The following NKAIN2 variants were observed in gnomAD, a reference collection of about 807,000 sequenced individuals.
The protein encoded by NKAIN2 is sodium/potassium-transporting ATPase subunit beta-1-interacting protein 2.
In NKAIN2, 14 loss-of-function variants were observed where a neutral mutation model predicts 32.6. That is an observed-to-expected ratio of 0.43 (90% CI 0.28 to 0.67). The LOEUF (loss-of-function observed/expected upper bound fraction) is 0.67. Ranked by LOEUF, NKAIN2 falls within the 30% of genes least tolerant of loss-of-function variation. The pLI, the probability that NKAIN2 is intolerant of heterozygous loss-of-function variation, is 0.17. For missense variants in NKAIN2, 198 were observed against 258.3 expected (o/e 0.77, Z 1.60); for synonymous variants, 80 against 87.2 (o/e 0.92, Z 0.46).
intron 1 of NKAIN2, among the ~76,000 whole-genome samples, chr6:123,969,389 C>T (rs1318720564): frequency 1.3e-5 from 2 of 152,122 alleles, no homozygotes; most frequent in African/African-American, 2.4e-5. Flanking sequence ...GAGATGGCTG[C>T]GGTTTAACAA....
rs138027827 is a variant in NKAIN2, at chr6:124,724,301, A to G, written c.474+65915A>G. Among the ~76,000 whole-genome samples, 100 of 152,250 alleles carry G rather than the reference A, an allele frequency of 6.6e-4. 1 individual carries two copies. The highest frequency in any genetic ancestry group is 2.0e-3 in the African/African-American group (85 of 41,550). On this transcript the variant is annotated intron_variant, in intron 4 of 6. Coordinates refer to ENST00000368417, the MANE Select transcript of NKAIN2 (RefSeq NM_001040214.3). Reference sequence around the variant, plus strand: ...AAGATGGCACCCCAACTTGTCCATCATGGCTTAACCATGGTAGGTGCCAAG... The same window carrying G: ...AAGATGGCACCCCAACTTGTCCATCGTGGCTTAACCATGGTAGGTGCCAAG...
intron 1 of NKAIN2, among the ~76,000 whole-genome samples, chr6:124,055,335 T>A (rs142190223): frequency 0.027 from 4,137 of 152,200 alleles, 76 homozygotes; most frequent in Admixed American, 0.045. Context: ...TCTTTTCAGA[T>A]ACTAGTACCC....
intron 3 of NKAIN2, among the ~76,000 whole-genome samples, chr6:124,413,431 T>C (rs1774311616): frequency 6.6e-6 from 1 of 152,206 alleles, no homozygotes; most frequent in Non-Finnish European, 1.5e-5. Context: ...TATATCTTTA[T>C]ATCAATACCA....
At chr6:124,641,567 TTTGA>T in intron 3 of NKAIN2, among the ~76,000 whole-genome samples, 1 of 131,842 alleles carries the variant, frequency 7.6e-6, no homozygotes, top group African/African-American at 3.2e-5. Context: ...TTTTTTTTTT[TTTGA>T]GACAGTGTCT....
intron 1 of NKAIN2, among the ~76,000 whole-genome samples, chr6:124,174,326 G>A (rs888339163): frequency 6.6e-6 from 1 of 152,086 alleles, no homozygotes; most frequent in African/African-American, 2.4e-5. Flanking sequence ...AACTTTACCT[G>A]TTAATCATTC....
At chr6:123,819,549 A>G (rs1416994909) in intron 1 of NKAIN2, among the ~76,000 whole-genome samples, 1 of 152,216 alleles carries the variant, frequency 6.6e-6, no homozygotes, top group East Asian at 1.9e-4. Context: ...GTCTAATTAG[A>G]AAATACAGTC....
chr6:124,368,841 T>G (rs1049401739), intron 3 of NKAIN2, among the ~76,000 whole-genome samples: 1 of 152,192 alleles, frequency 6.6e-6, no homozygotes, highest in African/African-American at 2.4e-5. Context: ...GCAGTTTCCC[T>G]TACCCAACAT....
chr6:124,762,594 G>A (rs766570451), intron 4 of NKAIN2, among the ~76,000 whole-genome samples: 2 of 152,150 alleles, frequency 1.3e-5, no homozygotes, highest in Non-Finnish European at 2.9e-5. Flanking sequence ...TTTTGCTTTA[G>A]TTGGTTAGAT....
At chr6:124,558,970 A>AAAC (rs1362758548) in intron 3 of NKAIN2, among the ~76,000 whole-genome samples, 1 of 151,966 alleles carries the variant, frequency 6.6e-6, no homozygotes, top group Non-Finnish European at 1.5e-5. Flanking sequence ...ACAAACAAAC[A>AAAC]AACAAAAGAA....
intron 5 of NKAIN2, among the ~76,000 whole-genome samples, chr6:124,807,834 C>T (rs1256829663): frequency 1.3e-5 from 2 of 150,134 alleles, no homozygotes; most frequent in East Asian, 4.1e-4. Context: ...TACAAACTAC[C>T]GTCAGAGAAT....
At chr6:124,191,935 T>C (rs1790040291) in intron 1 of NKAIN2, among the ~76,000 whole-genome samples, 4 of 152,206 alleles carry the variant, frequency 2.6e-5, no homozygotes, top group Admixed American at 2.6e-4. Flanking sequence ...ATCCTTTTCA[T>C]ATCTGTAAAT....
Position 124,548,543 on chromosome 6 carries a change from C to G in NKAIN2, c.274-109643C>G, listed in dbSNP as rs577399252. Among the ~76,000 whole-genome samples, 330 of 152,278 alleles carry G rather than the reference C, an allele frequency of 2.2e-3. 2 individuals carry two copies. Among genetic ancestry groups the G allele is most frequent in the Admixed American group, 3.8e-3 (58 of 15,298 alleles). ...CCAGCACTCATTGCGAAGGAGAAAA[C>G]TAGGATCCTTCAGGCAAGCGAAGAG... On this transcript the variant is annotated intron_variant, in intron 3 of 6. Coordinates refer to ENST00000368417, the MANE Select transcript of NKAIN2 (RefSeq NM_001040214.3).
intron 3 of NKAIN2, among the ~76,000 whole-genome samples, chr6:124,636,371 A>G (rs1783773728): frequency 6.6e-6 from 1 of 151,988 alleles, no homozygotes; most frequent in African/African-American, 2.4e-5. Context: ...GCATCCAGGG[A>G]AGCAAGGAAA....
At chr6:124,596,855 A>G (rs1200506774) in intron 3 of NKAIN2, among the ~76,000 whole-genome samples, 3 of 152,126 alleles carry the variant, frequency 2.0e-5, no homozygotes, top group African/African-American at 7.2e-5. Flanking sequence ...CAGAGAGCCA[A>G]TGGTAGAGTT....
chr6:124,436,042 A>G (rs1775429107), intron 3 of NKAIN2, among the ~76,000 whole-genome samples: 1 of 152,194 alleles, frequency 6.6e-6, no homozygotes, highest in African/African-American at 2.4e-5. Flanking sequence ...AATATAGAGA[A>G]TTAAATGATA....
intron 2 of NKAIN2, among the ~76,000 whole-genome samples, chr6:124,297,149 C>T (rs1277363602): frequency 6.6e-6 from 1 of 152,204 alleles, no homozygotes; most frequent in South Asian, 2.1e-4. Context: ...GATCCTTGAA[C>T]AACATAGGGG....
intron 3 of NKAIN2, among the ~76,000 whole-genome samples, chr6:124,569,625 A>C (rs1781051803): frequency 6.6e-6 from 1 of 152,046 alleles, no homozygotes; most frequent in Non-Finnish European, 1.5e-5. Flanking sequence ...CTTCTTCCTC[A>C]TTCTCTCTTG....
At chr6:124,141,218 C>G (rs185834851) in intron 1 of NKAIN2, among the ~76,000 whole-genome samples, 1 of 152,204 alleles carries the variant, frequency 6.6e-6, no homozygotes, top group East Asian at 1.9e-4. Context: ...CTTTAGTTTC[C>G]TGGGAGCAAT....
chr6:124,539,707 AT>A, intron 3 of NKAIN2, among the ~76,000 whole-genome samples: 1 of 152,164 alleles, frequency 6.6e-6, no homozygotes, highest in Non-Finnish European at 1.5e-5. Context: ...TTAAATATAT[AT>A]TTTTTGTTTG....
Sources: gnomAD v4.1 joint callset for allele counts (sites outside exome capture counted in the v4.1 genomes callset) on GRCh38, gnomAD v4.1.1 for gene constraint, MANE v1.5 for transcripts, NCBI Gene and HGNC (gene_info 2026-07-23, HGNC 2026-07-21) for gene names.